PEX14: variants seen among roughly 807,000 people sequenced by gnomAD.
PEX14 encodes the protein peroxisomal biogenesis factor 14.
Under a neutral mutation model 49.5 loss-of-function variants are expected in PEX14, and 15 were observed. The ratio of observed to expected loss-of-function variants is 0.30; its 90% confidence interval spans 0.20 to 0.47. PEX14 has a LOEUF of 0.47. PEX14 is among the 20% of genes least tolerant of loss of function. PEX14 has a pLI of 1.00. For missense variants in PEX14, 398 were observed against 494.8 expected, an observed-to-expected ratio of 0.80 and a Z score of 1.86; for synonymous variants, 210 against 212.7, an observed-to-expected ratio of 0.99 and a Z score of 0.11.
At chr1:10,614,372 C>G (rs1177043700) in intron 4 of PEX14, among the ~76,000 whole-genome samples, 3 of 152,118 alleles carry the variant, frequency 2.0e-5, no homozygotes, top group African/African-American at 7.2e-5. Context: ...ATAAAATGTT[C>G]TTAACGTGAG....
At chr1:10,500,425 C>T (rs1056775954) in intron 2 of PEX14, among the ~76,000 whole-genome samples, 6 of 149,326 alleles carry the variant, frequency 4.0e-5, no homozygotes, top group Non-Finnish European at 8.9e-5. Flanking sequence ...ATAGCTACAG[C>T]CGGTTGCCTG....
intron 3 of PEX14, among the ~76,000 whole-genome samples, chr1:10,577,677 C>T (rs1238572995): frequency 3.0e-5 from 4 of 133,250 alleles, no homozygotes; most frequent in African/African-American, 8.7e-5. Flanking sequence ...CTGCAAGCTC[C>T]GCCTCCTGAG....
chr1:10,586,107 A>G (rs1640477015), intron 3 of PEX14, among the ~76,000 whole-genome samples: 1 of 152,386 alleles, frequency 6.6e-6, no homozygotes, highest in South Asian at 2.1e-4. Context: ...TTCTTTCTCC[A>G]TGTTTGGTAG....
At chr1:10,554,777 G>C (rs946106759) in intron 3 of PEX14, among the ~76,000 whole-genome samples, 4 of 151,584 alleles carry the variant, frequency 2.6e-5, no homozygotes, top group Admixed American at 1.3e-4. Context: ...ACAGTGGCGC[G>C]ATCTTGGCTC....
At chr1:10,549,720 A>G (rs957511177) in intron 3 of PEX14, among the ~76,000 whole-genome samples, 1 of 152,216 alleles carries the variant, frequency 6.6e-6, no homozygotes, top group South Asian at 2.1e-4. Flanking sequence ...GAACATCCCT[A>G]TTCCAAAATC....
rs920825109 is a variant in PEX14 at position 10,529,841 on chromosome 1, TAAAACAAAGG to T, written c.85-6368_85-6359del. 1.3e-5 allele frequency among the ~76,000 whole-genome samples: 2 copies of T among 152,104 alleles called. No homozygotes were observed. The highest frequency in any genetic ancestry group is 2.4e-5 in the African/African-American group (1 of 41,410). ...AACAAAAGGACAGAGGAAAGTAAAG[TAAAACAAAGG>T]AAATTAGGGCCCACAAGCTTAATTA... On this transcript the variant is annotated intron_variant, in intron 2 of 8. Transcript: ENST00000356607. The surrounding 1 kb of genome is among the most constrained non-coding windows in gnomAD (Gnocchi z 4.2).
At position 10,536,240 on chromosome 1, in the gene PEX14, A is replaced by G. The variant is rs940853094; in HGVS notation, c.112A>G (p.Asn38Asp). Residue 38 changes from asparagine to aspartate, a missense_variant, in exon 3 of 9, where the codon AAT becomes GAT. Coordinates refer to ENST00000356607, the MANE Select transcript of PEX14 (RefSeq NM_004565.3). ...TGCCACGGCAGTGAAGTTTCTACAG[A>G]ATTCCCGGGTCCGCCAGAGCCCACT... ...LIATAVKFLQNSRVRQSPLAT... is the reference protein window; with the variant it reads ...LIATAVKFLQDSRVRQSPLAT... The G allele has an allele frequency of 5.6e-6, 9 of 1,612,266 alleles. No homozygotes were observed. In the African/African-American group the frequency reaches 6.7e-5, roughly 12 times the overall value.
chr1:10,525,743 AG>A (rs1638453477), intron 2 of PEX14, among the ~76,000 whole-genome samples: 1 of 151,598 alleles, frequency 6.6e-6, no homozygotes, highest in Non-Finnish European at 1.5e-5. Context: ...CTCTCATTTC[AG>A]CTTCCCGAGT....
intron 1 of PEX14, among the ~76,000 whole-genome samples, chr1:10,483,635 A>G (rs1367640122): frequency 2.0e-5 from 3 of 151,434 alleles, no homozygotes; most frequent in South Asian, 4.2e-4. Flanking sequence ...TTTTTTTAGT[A>G]TTTTAGTTTA....
intron 2 of PEX14, among the ~76,000 whole-genome samples, chr1:10,504,709 C>T (rs574106573): frequency 2.0e-5 from 3 of 149,024 alleles, no homozygotes; most frequent in Non-Finnish European, 3.0e-5. Context: ...TTGATTGATT[C>T]CTTTTCCTTT....
intron 2 of PEX14, among the ~76,000 whole-genome samples, chr1:10,524,177 A>G (rs1206485247): frequency 6.6e-6 from 1 of 152,186 alleles, no homozygotes; most frequent in Non-Finnish European, 1.5e-5. Context: ...TAATAACTCC[A>G]TGTCCATGTG....
intron 1 of PEX14, among the ~76,000 whole-genome samples, chr1:10,483,027 A>G (rs1395300604): frequency 6.6e-6 from 1 of 151,716 alleles, no homozygotes; most frequent in Admixed American, 6.6e-5. Flanking sequence ...CTATCTGTGT[A>G]TCATATCTGG....
At chr1:10,520,433 T>G (rs1638250243) in intron 2 of PEX14, among the ~76,000 whole-genome samples, 1 of 152,132 alleles carries the variant, frequency 6.6e-6, no homozygotes. Context: ...TGCTGGATTA[T>G]AGTCATGAAC....
At chr1:10,496,985 T>TA (rs909515291) in intron 2 of PEX14, among the ~76,000 whole-genome samples, 1 of 151,598 alleles carries the variant, frequency 6.6e-6, no homozygotes, top group Non-Finnish European at 1.5e-5. Flanking sequence ...AAATAATAAT[T>TA]AAAAAAACCC....
chr1:10,614,401 C>T (rs1033807892), intron 4 of PEX14, among the ~76,000 whole-genome samples: 6 of 152,008 alleles, frequency 3.9e-5, no homozygotes, highest in Non-Finnish European at 8.8e-5. Flanking sequence ...GAATGAGGAG[C>T]GGTGAGGGGT....
intron 5 of PEX14, among the ~76,000 whole-genome samples, chr1:10,622,199 G>A (rs1641615877): frequency 1.3e-5 from 2 of 152,186 alleles, no homozygotes; most frequent in South Asian, 2.1e-4. Flanking sequence ...CTTCCTGAAC[G>A]GCTCCTTCGG....
At chr1:10,481,917 G>A (rs1641289996) in intron 1 of PEX14, among the ~76,000 whole-genome samples, 1 of 149,990 alleles carries the variant, frequency 6.7e-6, no homozygotes, top group South Asian at 2.1e-4. Context: ...TGCTTCCCAG[G>A]CTCAAGCCAT....
intron 4 of PEX14, among the ~76,000 whole-genome samples, chr1:10,609,154 A>C (rs1199310733): frequency 2.0e-5 from 3 of 152,232 alleles, no homozygotes; most frequent in Non-Finnish European, 4.4e-5. Flanking sequence ...TTTGTCCATC[A>C]GTTCAGCAGT....
Position 10,514,871 on chromosome 1 carries a change from T to C in PEX14, c.84+19550T>C, listed in dbSNP as rs1429848921. Reference sequence around the variant, plus strand: ...CCTGCAGTGCATCTAGATGAGAACTTCTGTGTGCAGAAAACTGTCCCCCTT... The same window carrying C: ...CCTGCAGTGCATCTAGATGAGAACTCCTGTGTGCAGAAAACTGTCCCCCTT... On this transcript the variant is annotated intron_variant, in intron 2 of 8. Coordinates refer to ENST00000356607, the MANE Select transcript of PEX14 (RefSeq NM_004565.3). The surrounding 1 kb of genome is among the most constrained non-coding windows in gnomAD (Gnocchi z 4.4). Among the ~76,000 whole-genome samples the C allele has an allele frequency of 6.6e-6, 1 of 152,202 alleles. No homozygotes were observed. The highest frequency in any genetic ancestry group is 2.4e-5 in the African/African-American group (1 of 41,450).
Sources: allele counts gnomAD v4.1 joint callset (sites outside exome capture counted in the v4.1 genomes callset), GRCh38; gene constraint gnomAD v4.1.1; non-coding constraint Gnocchi (gnomAD v3.1); transcripts MANE v1.5; gene names NCBI Gene and HGNC (gene_info 2026-07-23, HGNC 2026-07-21).